DSP: variants seen among roughly 807,000 people sequenced by gnomAD.
The protein encoded by DSP is 250/210 kDa paraneoplastic pemphigus antigen.
A neutral mutation model predicts 290.6 loss-of-function variants in DSP; 114 were observed. The observed-to-expected ratio is 0.39, with a 90% CI of 0.34 to 0.46. The LOEUF is 0.46. Ranked by LOEUF, DSP falls within the 20% of genes least tolerant of loss-of-function variation. DSP has a pLI of 0.99. For missense variants in DSP, 3,230 were observed against 3,495.8 expected, an observed-to-expected ratio of 0.92 and a Z score of 1.92; for synonymous variants, 1,311 against 1,316.4, an observed-to-expected ratio of 1.00 and a Z score of 0.09.
intron 9 of DSP, 43 bp downstream of exon 9, chr6:7,567,492 A>G (rs1758897659): frequency 1.2e-5 from 18 of 1,473,208 alleles, no homozygotes; most frequent in Non-Finnish European, 1.6e-5. Flanking sequence ...TTAGGTCTTA[A>G]TACCTAATCT....
Position 7,580,056 on chromosome 6 carries a change from A to G in DSP, c.3866A>G (p.Gln1289Arg). The change falls in exon 23 of 24, where the codon CAG (glutamine) becomes CGG (arginine). Residue 1289 changes from glutamine (Q) to arginine (R), a missense_variant. Physicochemically the swap from Gln to Arg is conservative, Grantham distance 43. This residue lies in a region of DSP where 1,714 missense variants were observed against 1,844.5 expected (regional missense o/e 0.93). Coordinates refer to ENST00000379802, the MANE Select transcript of DSP (RefSeq NM_004415.4). The surrounding 1 kb of genome is among the most constrained non-coding windows in gnomAD (Gnocchi z 4.2). ...GGCTCTGAGATAATGCAGAAGAAGC[A>G]GCATCTGGAGATAGAACTGAAGCAG... The part of the protein sequence containing the change: ...ACGSEIMQKK[Q>R]HLEIELKQVM... The G allele has an allele frequency of 6.2e-7, 1 of 1,614,154 alleles. No homozygotes were observed. The highest frequency in any genetic ancestry group is 1.1e-5 in the South Asian group (1 of 91,084).
rs755212037 is a variant in DSP, at chr6:7,571,956, A to C, written c.2018A>C (p.Gln673Pro). 8.1e-6 allele frequency: 13 copies of C among 1,614,112 alleles called. No homozygotes were observed. The South Asian group carries it at 1.4e-4, about 18-fold the overall frequency. The change falls in exon 15 of 24, where the codon CAG becomes CCG. Residue 673 changes from glutamine (Q) to proline (P), a missense_variant. Gln to Pro is a moderately conservative substitution (Grantham distance 76). This residue lies in a region of DSP where 1,714 missense variants were observed against 1,844.5 expected (regional missense o/e 0.93). Coordinates refer to ENST00000379802, the MANE Select transcript of DSP (RefSeq NM_004415.4). ...GAAACATGGATGCTGATGGAGCTGC[A>C]GAAGATTCGCAGGCAGATAGAGCAC... is the stretch of plus-strand genomic sequence containing the variant. ...KQETWMLMEL[Q>P]KIRRQIEHCE...
intron 6 of DSP, among the ~76,000 whole-genome samples, chr6:7,564,197 C>T (rs1758789948): frequency 1.3e-5 from 2 of 152,180 alleles, no homozygotes; most frequent in South Asian, 2.1e-4. Context: ...AGCAAGAAAA[C>T]GTTGCCACTT....
In DSP at chr6:7,574,097, T is replaced by C; in HGVS notation, c.2142T>C (p.Asn714=). The stretch of plus-strand genomic sequence containing the variant: ...TTCATTTTTGACAGAGTGTGCAGAA[T>C]GATTCACAAGCAATTGCTGAGGTTC... ...VKINELKSVQ[N]DSQAIAEVLN... Residue 714 remains asparagine, a synonymous_variant, in exon 16 of 24, where the codon AAT becomes AAC. Coordinates refer to ENST00000379802, the MANE Select transcript of DSP (RefSeq NM_004415.4). 1 of 1,614,104 alleles carries C rather than the reference T, an allele frequency of 6.2e-7. No homozygotes were observed. The highest frequency in any genetic ancestry group is 8.5e-7 in the Non-Finnish European group (1 of 1,179,982).
chr6:7,580,365 G>C lies in DSP; in HGVS notation c.4175G>C (p.Arg1392Pro), dbSNP rs201736018. 6.2e-7 allele frequency: 1 copy of C among 1,614,046 alleles called. No individual in the cohort carries two copies. Among genetic ancestry groups the C allele is most frequent in the South Asian group, 1.1e-5 (1 of 91,056 alleles). Residue 1392 changes from arginine to proline, a missense_variant, in exon 23 of 24, where the codon CGG (arginine) becomes CCG (proline). Around this residue, in one of 5 missense-constraint regions of DSP, gnomAD observed 1,714 missense variants for 1,844.5 expected, o/e 0.93. Coordinates refer to ENST00000379802, the MANE Select transcript of DSP (RefSeq NM_004415.4). The surrounding 1 kb of genome is among the most constrained non-coding windows in gnomAD (Gnocchi z 4.2). ...AAGGAAGAGGATACCAGTGGCTACC[G>C]GGCTCAGATAGACAATCTCACCCGA... ...MQKEEDTSGY[R>P]AQIDNLTREN...
chr6:7,580,831 G>A lies in DSP; in HGVS notation c.4641G>A (p.Gln1547=), dbSNP rs777325844. 1 of 1,614,156 alleles carries A rather than the reference G, an allele frequency of 6.2e-7. No individual in the cohort carries two copies. Among genetic ancestry groups the A allele is most frequent in the Non-Finnish European group, 8.5e-7 (1 of 1,180,042 alleles). ...RLRIDYERVS[Q]ERTVKDQDIT... The stretch of plus-strand genomic sequence containing the variant: ...GGATCGACTATGAAAGGGTTTCCCA[G>A]GAGAGGACTGTGAAGGACCAGGATA... Residue 1547 remains glutamine (Q), a synonymous_variant, in exon 23 of 24, where the codon CAG becomes CAA. Transcript: ENST00000379802. This position sits in a 1 kb window ranked among gnomAD's most constrained non-coding sequence, Gnocchi z 4.2.
intron 14 of DSP, 110 bp downstream of exon 14, chr6:7,571,694 A>G: frequency 1.3e-6 from 2 of 1,507,784 alleles, no homozygotes; most frequent in South Asian, 2.3e-5. Flanking sequence ...CTATATAGCC[A>G]GTGTTCTTCG....
Position 7,583,161 on chromosome 6 carries a change from G to A in DSP, c.5899G>A (p.Val1967Met), listed in dbSNP as rs397516949. ...GTGGACCGTTGACACCTCCAAGCTG[G>A]TGTTTGATGGGCTGAGGAAGAAGGT... ...CEWTVDTSKL[V>M]FDGLRKKVTA... The change falls in exon 24 of 24, where the codon GTG (valine) becomes ATG (methionine). Residue 1967 changes from valine (V) to methionine (M), a missense_variant. Around this residue, in one of 5 missense-constraint regions of DSP, gnomAD observed 1,714 missense variants for 1,844.5 expected, o/e 0.93. Coordinates refer to ENST00000379802, the MANE Select transcript of DSP (RefSeq NM_004415.4). This position sits in a 1 kb window ranked among gnomAD's most constrained non-coding sequence, Gnocchi z 4.0. 11 of 1,614,002 alleles carry A rather than the reference G, an allele frequency of 6.8e-6. No homozygotes were observed. Among genetic ancestry groups the A allele is most frequent in the Non-Finnish European group, 9.3e-6 (11 of 1,180,018 alleles).
chr6:7,583,056 C>T lies in DSP; in HGVS notation c.5794C>T (p.Arg1932Cys), dbSNP rs748825632. Residue 1932 changes from arginine (R) to cysteine (C), a missense_variant, in exon 24 of 24, where the codon CGC (arginine) becomes TGC (cysteine). Arg to Cys is a radical substitution (Grantham distance 180). Around this residue, in one of 5 missense-constraint regions of DSP, gnomAD observed 1,714 missense variants for 1,844.5 expected, o/e 0.93. Coordinates refer to ENST00000379802, the MANE Select transcript of DSP (RefSeq NM_004415.4). This position sits in a 1 kb window ranked among gnomAD's most constrained non-coding sequence, Gnocchi z 4.0. ...RETQSQLETE[R>C]SRYQREIDKL... is the part of the protein sequence containing the mutation. ...GACACAGTCACAGTTAGAAACAGAA[C>T]GCTCCCGATATCAGAGGGAGATTGA... 2.7e-5 allele frequency: 43 copies of T among 1,613,994 alleles called. No individual in the cohort carries two copies. Among genetic ancestry groups the T allele is most frequent in the South Asian group, 1.1e-4 (10 of 91,068 alleles).
chr6:7,574,416 T>G (rs1759164970), intron 16 of DSP, among the ~76,000 whole-genome samples, 164 bp downstream of exon 16: 1 of 152,228 alleles, frequency 6.6e-6, no homozygotes, highest in Non-Finnish European at 1.5e-5. Context: ...CCTCGCATGT[T>G]AATTCCACTA....
intron 1 of DSP, among the ~76,000 whole-genome samples, chr6:7,553,107 A>G (rs1299871851): frequency 1.3e-5 from 2 of 152,108 alleles, no homozygotes; most frequent in Non-Finnish European, 2.9e-5. Context: ...GTTTGTGTAT[A>G]CCCTCACCCA....
intron 5 of DSP, 105 bp from the exon 6 acceptor site, chr6:7,563,631 G>A (rs184472274): frequency 5.7e-5 from 52 of 911,324 alleles, no homozygotes; most frequent in Non-Finnish European, 9.5e-5. Flanking sequence ...TTTCTATGGA[G>A]GGATCTGAGG....
chr6:7,570,975 A>G (rs532644693), intron 13 of DSP, among the ~76,000 whole-genome samples: 20 of 152,314 alleles, frequency 1.3e-4, no homozygotes, highest in African/African-American at 4.8e-4. Flanking sequence ...AGTTGTTTTC[A>G]GATCATGGTC....
chr6:7,576,629 C>T (rs1346869616), intron 19 of DSP, among the ~76,000 whole-genome samples, 173 bp downstream of exon 19: 1 of 152,168 alleles, frequency 6.6e-6, no homozygotes, highest in African/African-American at 2.4e-5. Flanking sequence ...GAGATGTTTA[C>T]AAGGAAATGC....
chr6:7,579,988 G>T lies in DSP; in HGVS notation c.3798G>T (p.Gln1266His). 6.2e-7 allele frequency: 1 copy of T among 1,614,146 alleles called. No homozygotes were observed. Residue 1266 changes from glutamine to histidine, a missense_variant, in exon 23 of 24, where the codon CAG becomes CAT. Physicochemically the swap from Gln to His is conservative, Grantham distance 24 (BLOSUM62 0). Coordinates refer to ENST00000379802, the MANE Select transcript of DSP (RefSeq NM_004415.4). The surrounding 1 kb of genome is among the most constrained non-coding windows in gnomAD (Gnocchi z 4.1). ...LNDSILQATE[Q>H]RRRAEENALQ... ...ACAGCATCTTGCAGGCCACTGAGCA[G>T]CGAAGGCGAGCTGAAGAAAACGCCC...
rs1581815834 is a variant in DSP at position 7,579,737 on chromosome 6, A to G, written c.3547A>G (p.Thr1183Ala). The change falls in exon 23 of 24, where the codon ACC becomes GCC. Residue 1183 changes from threonine (T) to alanine (A), a missense_variant. Around this residue, in one of 5 missense-constraint regions of DSP, gnomAD observed 1,714 missense variants for 1,844.5 expected, o/e 0.93. Transcript: ENST00000379802. This position sits in a 1 kb window ranked among gnomAD's most constrained non-coding sequence, Gnocchi z 4.1. ...GAGGGTTCTACTGCAGGAAGAAGGC[A>G]CCCGGAAGAGAGAATATGAAAATGA... Reference protein sequence around the residue: ...RLRVLLQEEGTRKREYENELA... With the variant: ...RLRVLLQEEGARKREYENELA... 6.2e-7 allele frequency: 1 copy of G among 1,613,722 alleles called. No homozygotes were observed. Among genetic ancestry groups the G allele is most frequent in the Non-Finnish European group, 8.5e-7 (1 of 1,179,770 alleles).
In DSP at chr6:7,585,809, C is replaced by G; in HGVS notation, c.8547C>G (p.Ser2849Arg). ...CCCGCAGTGGGTCCCGGAGAGGAAG[C>G]TTTGACGCCACAGGGAATTCTTCCT... ...SGSRSGSRRGSFDATGNSSYS... is the reference protein window; with the variant it reads ...SGSRSGSRRGRFDATGNSSYS... Residue 2849 changes from serine to arginine, a missense_variant, in exon 24 of 24, where the codon AGC becomes AGG. By Grantham distance (110) the Ser-to-Arg change is moderately radical. This residue lies in a region of DSP where 582 missense variants were observed against 555.4 expected (regional missense o/e 1.05). Transcript: ENST00000379802. 6.2e-7 allele frequency: 1 copy of G among 1,611,218 alleles called. No homozygotes were observed. Among genetic ancestry groups the G allele is most frequent in the Non-Finnish European group, 8.5e-7 (1 of 1,179,266 alleles).
rs1260508269 is a variant in DSP, at chr6:7,567,459, T to A, written c.1140+10T>A. The A allele has an allele frequency of 1.2e-6, 2 of 1,608,944 alleles. No homozygotes were observed. The highest frequency in any genetic ancestry group is 1.7e-5 in the Admixed American group (1 of 60,032). ...TGCTGCCTACTTTCAGGTTTTTATA[T>A]TTAGTGATAATTTTGTTGTTATTTA... On this transcript the variant is annotated intron_variant, in intron 9 of 23. Transcript: ENST00000379802.
intron 4 of DSP, among the ~76,000 whole-genome samples, chr6:7,561,013 A>G (rs886795941): frequency 7.3e-5 from 11 of 150,754 alleles, no homozygotes; most frequent in Non-Finnish European, 1.5e-4. Context: ...GTGCAGTGGC[A>G]TGATCTCGTC....
Sources: gnomAD v4.1 joint callset for allele counts (sites outside exome capture counted in the v4.1 genomes callset) on GRCh38, gnomAD v4.1.1 for gene constraint, gnomAD v4.1.1 regional missense constraint, Gnocchi (gnomAD v3.1) non-coding constraint, MANE v1.5 for transcripts, NCBI Gene and HGNC (gene_info 2026-07-23, HGNC 2026-07-21) for gene names.